The following AFG3L2 variants were observed in gnomAD, a reference collection of about 807,000 sequenced individuals.
The protein encoded by AFG3L2 is mitochondrial inner membrane m-AAA protease component AFG3L2.
AFG3L2 carries 54 observed loss-of-function variants against 94.5 expected under a neutral mutation model. The ratio of observed to expected loss-of-function variants is 0.57; its 90% confidence interval spans 0.46 to 0.72. The LOEUF (loss-of-function observed/expected upper bound fraction) is 0.72. Among genes scored for constraint, AFG3L2 ranks in the 30% least tolerant of loss-of-function variants. The pLI is 0.00. For synonymous variants in AFG3L2, 377 were observed against 365.5 expected (o/e 1.03, Z -0.36); for missense variants, 754 against 994.9 (o/e 0.76, Z 3.26).
chr18:12,330,948 T>C (rs1406968949), intron 16 of AFG3L2, among the ~76,000 whole-genome samples: 2 of 152,180 alleles, frequency 1.3e-5, no homozygotes, highest in African/African-American at 4.8e-5. Flanking sequence ...GTGGCAGAAC[T>C]TGGGACCATG....
At chr18:12,345,050 AAG>A (rs1908089121) in intron 13 of AFG3L2, among the ~76,000 whole-genome samples, 1 of 152,218 alleles carries the variant, frequency 6.6e-6, no homozygotes, top group African/African-American at 2.4e-5. Flanking sequence ...TGGAAGGCAG[AAG>A]AGAGTCTGAG....
At position 12,356,681 on chromosome 18, in the gene AFG3L2, G is replaced by C. The variant is rs1288090488; in HGVS notation, c.1164+13C>G. The C allele has an allele frequency of 2.5e-6, 4 of 1,613,968 alleles. No homozygotes were observed. The highest frequency in any genetic ancestry group is 3.4e-6 in the Non-Finnish European group (4 of 1,180,002). On this transcript the variant is annotated intron_variant, in intron 9 of 16. Coordinates refer to ENST00000269143, the MANE Select transcript of AFG3L2 (RefSeq NM_006796.3). The stretch of plus-strand genomic sequence containing the variant: ...GCAAGGAAGCTGTACCATCCGAACA[G>C]AATGAGACTCACTCTAGCAGGGCCC...
intron 8 of AFG3L2, among the ~76,000 whole-genome samples, chr18:12,358,390 A>T (rs945037532): frequency 2.6e-5 from 4 of 152,228 alleles, no homozygotes; most frequent in African/African-American, 9.6e-5. Context: ...GCTGAGAGAT[A>T]GGGCATCTAA....
chr18:12,349,711 G>A (rs1908253799), intron 12 of AFG3L2, among the ~76,000 whole-genome samples: 1 of 152,116 alleles, frequency 6.6e-6, no homozygotes, highest in Non-Finnish European at 1.5e-5. Context: ...ACCCAGGCTG[G>A]AGTGCAATGG....
intron 7 of AFG3L2, 133 bp downstream of exon 7, chr18:12,359,793 GT>G: frequency 8.2e-7 from 1 of 1,214,920 alleles, no homozygotes; most frequent in Non-Finnish European, 1.2e-6. Flanking sequence ...GTTACTAATA[GT>G]TTTTTAAAAA....
At position 12,366,982 on chromosome 18, in the gene AFG3L2, A is replaced by G; in HGVS notation, c.535T>C (p.Tyr179His). 6.2e-7 allele frequency: 1 copy of G among 1,614,244 alleles called. No homozygotes were observed. The highest frequency in any genetic ancestry group is 8.5e-7 in the Non-Finnish European group (1 of 1,180,042). ...EITWKDFVNN[Y>H]LSKGVVDRLE... Reference sequence around the variant, plus strand: ...ATACTTACTACTCCTTTTGAAAGATAGTTATTGACAAAGTCCTTCCAAGTG... The same window carrying G: ...ATACTTACTACTCCTTTTGAAAGATGGTTATTGACAAAGTCCTTCCAAGTG... The change falls in exon 5 of 17, where the codon TAT (tyrosine) becomes CAT (histidine). Residue 179 changes from tyrosine to histidine, a missense_variant. By Grantham distance (83) the Tyr-to-His change is moderately conservative. Coordinates refer to ENST00000269143, the MANE Select transcript of AFG3L2 (RefSeq NM_006796.3).
At position 12,364,873 on chromosome 18, in the gene AFG3L2, T is replaced by C. The variant is rs564821503; in HGVS notation, c.553-1017A>G. On this transcript the variant is annotated intron_variant, in intron 5 of 16. Transcript: ENST00000269143. ...TTTGTAGAGATGGGGTCTCCCTACA[T>C]TCCCCAGGCTGGTCTCGAACTCCTA... 7.2e-5 allele frequency among the ~76,000 whole-genome samples: 11 copies of C among 151,998 alleles called. No homozygotes were observed. The East Asian group carries it at 1.7e-3, about 24-fold the overall frequency.
intron 16 of AFG3L2, among the ~76,000 whole-genome samples, chr18:12,334,031 G>C (rs2143098186): frequency 6.6e-6 from 1 of 152,118 alleles, no homozygotes; most frequent in African/African-American, 2.4e-5. Context: ...TTTCAGAAAG[G>C]AACCCTCAGG....
chr18:12,331,813 ATATATATATATATATATATATATAT>A (rs2143083306), intron 16 of AFG3L2, among the ~76,000 whole-genome samples: 1 of 3,034 alleles, frequency 3.3e-4, no homozygotes, highest in African/African-American at 4.5e-4. Context: ...AAATAAATAT[ATATATATATATATATATATATATAT>A]ATATATATAT....
At chr18:12,371,133 C>T (rs565019410) in intron 2 of AFG3L2, among the ~76,000 whole-genome samples, 14 of 151,986 alleles carry the variant, frequency 9.2e-5, no homozygotes, top group African/African-American at 3.4e-4. Flanking sequence ...CCCAACATGG[C>T]GAAACTCCGA....
intron 14 of AFG3L2, chr18:12,343,018 AT>A (rs1392947109): frequency 3.3e-5 from 5 of 151,036 alleles, no homozygotes; most frequent in African/African-American, 1.2e-4. Context: ...AAAAAAAAAA[AT>A]CTGCTATAAT....
At chr18:12,340,578 A>G (rs1185077462) in intron 14 of AFG3L2, among the ~76,000 whole-genome samples, 177 bp from the exon 15 acceptor site, 1 of 115,610 alleles carries the variant, frequency 8.6e-6, no homozygotes, top group Admixed American at 1.0e-4. Flanking sequence ...TTCTCTCAGG[A>G]TAAGTTCACC....
chr18:12,342,041 AT>A, intron 14 of AFG3L2: 1 of 152,120 alleles, frequency 6.6e-6, no homozygotes, highest in South Asian at 2.1e-4. Context: ...TAATTTTTCT[AT>A]TTTTAGTAGA....
intron 16 of AFG3L2, among the ~76,000 whole-genome samples, chr18:12,333,012 A>T (rs1435833219): frequency 8.0e-5 from 6 of 74,908 alleles, no homozygotes; most frequent in African/African-American, 2.2e-4. Flanking sequence ...TATAATATAA[A>T]ATATATTAAT....
intron 9 of AFG3L2, among the ~76,000 whole-genome samples, chr18:12,355,915 G>A (rs574014601): frequency 2.0e-5 from 3 of 151,822 alleles, no homozygotes; most frequent in Admixed American, 6.6e-5. Context: ...CTCCTGATCC[G>A]CCTGCCTTGG....
chr18:12,364,186 C>A (rs3819091), intron 5 of AFG3L2, among the ~76,000 whole-genome samples: 5,450 of 152,280 alleles, frequency 0.036, 189 homozygotes, highest in East Asian at 0.15. Context: ...TATAAGTATT[C>A]TTCTACAACT....
At chr18:12,355,905 C>T (rs1908479611) in intron 9 of AFG3L2, among the ~76,000 whole-genome samples, 2 of 151,774 alleles carry the variant, frequency 1.3e-5, no homozygotes, top group Admixed American at 6.6e-5. Context: ...ATCTCCAGAC[C>T]TCCTGATCCG....
At chr18:12,340,466 TATAAACAG>T in intron 14 of AFG3L2, 65 bp from the exon 15 acceptor site, 4 of 1,252,028 alleles carry the variant, frequency 3.2e-6, no homozygotes, top group Non-Finnish European at 4.7e-6. Context: ...AACATCTGTG[TATAAACAG>T]ATAAACTCAT....
chr18:12,329,845 A>AT, intron 16 of AFG3L2, 62 bp from the exon 17 acceptor site: 1 of 1,440,534 alleles, frequency 6.9e-7, no homozygotes, highest in South Asian at 1.2e-5. Context: ...AGAAATATTA[A>AT]TTTTTTATTT....
Sources: allele counts gnomAD v4.1 joint callset (sites outside exome capture counted in the v4.1 genomes callset), GRCh38; gene constraint gnomAD v4.1.1; transcripts MANE v1.5; gene names NCBI Gene and HGNC (gene_info 2026-07-23, HGNC 2026-07-21).